EXOC6: variants seen among roughly 807,000 people sequenced by gnomAD.
EXOC6 encodes the protein SEC15-like 1.
Under a neutral mutation model 112.5 loss-of-function variants are expected in EXOC6, and 60 were observed. The observed-to-expected ratio is 0.53, with a 90% CI of 0.43 to 0.66. The LOEUF (loss-of-function observed/expected upper bound fraction) is 0.66, where lower values mean the gene tolerates loss of function less well. Among genes scored for constraint, EXOC6 ranks in the 30% least tolerant of loss-of-function variants. EXOC6 has a pLI of 0.00. For missense variants in EXOC6, 855 were observed against 957.1 expected (o/e 0.89, Z 1.41); for synonymous variants, 295 against 308.0 (o/e 0.96, Z 0.44).
chr10:92,968,926 C>T (rs564978884), intron 17 of EXOC6, among the ~76,000 whole-genome samples: 1 of 152,096 alleles, frequency 6.6e-6, no homozygotes, highest in East Asian at 1.9e-4. Flanking sequence ...AGTATTAACC[C>T]ATATTCTTTA....
intron 7 of EXOC6, among the ~76,000 whole-genome samples, chr10:92,918,193 C>A (rs2133900773): frequency 1.3e-5 from 2 of 152,162 alleles, no homozygotes; most frequent in African/African-American, 4.8e-5. Flanking sequence ...ATTGAACTTA[C>A]CTTTTATCGT....
intron 1 of EXOC6, among the ~76,000 whole-genome samples, chr10:92,881,700 A>C (rs1169891531): frequency 6.6e-6 from 1 of 152,104 alleles, no homozygotes; most frequent in African/African-American, 2.4e-5. Context: ...CTGTGTCCCC[A>C]CTCAAATCTC....
chr10:92,915,802 T>C lies in EXOC6; in HGVS notation c.708T>C (p.Asn236=). 1 of 1,535,112 alleles carries C rather than the reference T, an allele frequency of 6.5e-7. No individual in the cohort carries two copies. Among genetic ancestry groups the C allele is most frequent in the Non-Finnish European group, 8.7e-7 (1 of 1,151,768 alleles). The change falls in exon 7 of 22, where the codon AAT becomes AAC. Residue 236 remains asparagine, a synonymous_variant. Transcript: ENST00000260762. The stretch of plus-strand genomic sequence containing the variant: ...TCAGTGTTTCTCTGCAGAAACAAAA[T>C]AAAATGAAATTTGGGAAAAATATGT... ...KTFSVSLQKQ[N]KMKFGKNMYI... is the part of the protein sequence containing the mutation.
chr10:92,894,481 A>G lies in EXOC6; in HGVS notation c.274-313A>G, dbSNP rs564177096. Among the ~76,000 whole-genome samples the G allele has an allele frequency of 5.3e-5, 8 of 152,316 alleles. No individual in the cohort carries two copies. In the South Asian group the frequency reaches 1.7e-3, roughly 32 times the overall value. ...CATAGACCTCATTGAAGTTATCAAA[A>G]GGGGACCAGTGGTCAATTGGGTCAG... On this transcript the variant is annotated intron_variant, in intron 2 of 21. Coordinates refer to ENST00000260762, the MANE Select transcript of EXOC6 (RefSeq NM_019053.6).
intron 18 of EXOC6, among the ~76,000 whole-genome samples, chr10:92,977,681 A>T (rs935531721): frequency 3.9e-5 from 6 of 152,144 alleles, no homozygotes; most frequent in Admixed American, 1.3e-4. Context: ...TTGCAGACAC[A>T]CACACACACA....
chr10:93,017,387 G>A (rs1392999653), intron 20 of EXOC6, among the ~76,000 whole-genome samples: 1 of 151,538 alleles, frequency 6.6e-6, no homozygotes, highest in Non-Finnish European at 1.5e-5. Context: ...TCAGGAGATA[G>A]AAACCATCCT....
chr10:92,834,834 C>A (rs771245840), intron 1 of EXOC6: 1 of 1,548,374 alleles, frequency 6.5e-7, no homozygotes, highest in Non-Finnish European at 8.9e-7. Context: ...GGTAGGGCAC[C>A]GTTGCATTTT....
intron 5 of EXOC6, among the ~76,000 whole-genome samples, chr10:92,909,107 T>C (rs1465934065): frequency 2.0e-5 from 3 of 152,220 alleles, no homozygotes; most frequent in Admixed American, 1.3e-4. Context: ...CTAGATGTTA[T>C]AATTCACAAG....
intron 15 of EXOC6, among the ~76,000 whole-genome samples, chr10:92,954,361 A>G (rs1853577632): frequency 6.6e-6 from 1 of 152,216 alleles, no homozygotes; most frequent in South Asian, 2.1e-4. Flanking sequence ...TTGTTTCCTT[A>G]TACCAAGTCC....
chr10:92,936,965 C>T (rs1342598731), intron 12 of EXOC6, among the ~76,000 whole-genome samples: 1 of 152,066 alleles, frequency 6.6e-6, no homozygotes, highest in Non-Finnish European at 1.5e-5. Flanking sequence ...GTAATATCAT[C>T]CTATTCCCCC....
intron 18 of EXOC6, among the ~76,000 whole-genome samples, chr10:92,988,458 G>C (rs1380143878): frequency 6.6e-6 from 1 of 152,076 alleles, no homozygotes; most frequent in Non-Finnish European, 1.5e-5. Flanking sequence ...TTCAAGTTTT[G>C]ATTAATGTAA....
intron 18 of EXOC6, among the ~76,000 whole-genome samples, chr10:92,990,745 G>A (rs1843195758): frequency 6.6e-6 from 1 of 152,078 alleles, no homozygotes; most frequent in Non-Finnish European, 1.5e-5. Flanking sequence ...AGCCCAGCAT[G>A]CATTATCTGT....
intron 20 of EXOC6, among the ~76,000 whole-genome samples, chr10:93,051,527 A>G (rs1168896803): frequency 6.6e-6 from 1 of 152,220 alleles, no homozygotes; most frequent in African/African-American, 2.4e-5. Flanking sequence ...GTTATTGCCT[A>G]TGCTCCTTCT....
At chr10:93,042,158 A>G (rs1428854348) in intron 20 of EXOC6, among the ~76,000 whole-genome samples, 3 of 152,182 alleles carry the variant, frequency 2.0e-5, no homozygotes, top group East Asian at 1.9e-4. Context: ...ACTAAAGTAC[A>G]TGGCATTTCC....
At chr10:92,860,102 A>ATGTTTAGTGGAT (rs1847834382) in intron 1 of EXOC6, among the ~76,000 whole-genome samples, 1 of 152,140 alleles carries the variant, frequency 6.6e-6, no homozygotes, top group South Asian at 2.1e-4. Flanking sequence ...TTAGTGGATT[A>ATGTTTAGTGGAT]AAACCCCTAA....
chr10:93,023,430 C>T (rs1844877910), intron 20 of EXOC6, among the ~76,000 whole-genome samples: 1 of 152,218 alleles, frequency 6.6e-6, no homozygotes, highest in African/African-American at 2.4e-5. Flanking sequence ...ATCATCCTGC[C>T]AATCACATAC....
At chr10:92,960,964 C>T (rs1007157411) in intron 17 of EXOC6, among the ~76,000 whole-genome samples, 5 of 152,098 alleles carry the variant, frequency 3.3e-5, no homozygotes, top group Admixed American at 1.3e-4. Context: ...TTTTCTTTTG[C>T]TTTCATCCTG....
chr10:93,050,261 G>A (rs1228626040), intron 20 of EXOC6, among the ~76,000 whole-genome samples: 1 of 152,136 alleles, frequency 6.6e-6, no homozygotes, highest in Non-Finnish European at 1.5e-5. Flanking sequence ...ACTAAAAGAG[G>A]AGTTAAAGGC....
chr10:92,937,786 G>A (rs1852435356), intron 12 of EXOC6, among the ~76,000 whole-genome samples: 1 of 152,074 alleles, frequency 6.6e-6, no homozygotes, highest in South Asian at 2.1e-4. Context: ...TTTTTGCCAT[G>A]GAGAGCAAAA....
Sources: gnomAD v4.1 joint callset for allele counts (sites outside exome capture counted in the v4.1 genomes callset) on GRCh38, gnomAD v4.1.1 for gene constraint, MANE v1.5 for transcripts, NCBI Gene and HGNC (gene_info 2026-07-23, HGNC 2026-07-21) for gene names.